SMCHD1: variants seen among roughly 807,000 people sequenced by gnomAD.
SMCHD1 encodes the protein structural maintenance of chromosomes flexible hinge domain containing 1.
In SMCHD1, 78 loss-of-function variants were observed where a neutral mutation model predicts 254.7. The observed-to-expected ratio is 0.31, with a 90% CI of 0.26 to 0.37. SMCHD1 has a LOEUF of 0.37. Among genes scored for constraint, SMCHD1 ranks in the 10% least tolerant of loss-of-function variants. The pLI is 1.00. For missense variants in SMCHD1, 1,840 were observed against 2,408.1 expected (o/e 0.76, Z 4.94); for synonymous variants, 766 against 794.9 (o/e 0.96, Z 0.61).
chr18:2,772,544 A>G (rs1294093078), intron 41 of SMCHD1, among the ~76,000 whole-genome samples, 172 bp downstream of exon 41: 1 of 152,218 alleles, frequency 6.6e-6, no homozygotes, highest in African/African-American at 2.4e-5. Flanking sequence ...TAAAACTGAA[A>G]TCTGTAATGT....
intron 41 of SMCHD1, among the ~76,000 whole-genome samples, chr18:2,774,406 G>T (rs1368949859): frequency 6.6e-6 from 1 of 151,936 alleles, no homozygotes; most frequent in African/African-American, 2.4e-5. Flanking sequence ...ATGTTAGGAT[G>T]TGTTTTGTTT....
rs1294481909 is a variant in SMCHD1, at chr18:2,708,487, C to T, written c.2260+567C>T. On this transcript the variant is annotated intron_variant, in intron 17 of 47. Coordinates refer to ENST00000320876, the MANE Select transcript of SMCHD1 (RefSeq NM_015295.3). ...TCGAGGCTACAGTGAGCTATGATCA[C>T]GCCACTGCACTCCAGCCTGGGTGGT... 2.0e-5 allele frequency among the ~76,000 whole-genome samples: 3 copies of T among 152,020 alleles called. 1 individual carries two copies. Among genetic ancestry groups the T allele is most frequent in the South Asian group, 4.1e-4 (2 of 4,820 alleles).
rs1246842120 is a variant in SMCHD1 at position 2,803,618 on chromosome 18, TAA to T, written c.*1067_*1068del. ...GATTGTTTCTTCCCTACTGAATAGA[TAA>T]GTGTTTTTCTTTTTTAAAATTGGAA... is the stretch of plus-strand genomic sequence containing the variant. On this transcript the variant is annotated 3_prime_UTR_variant, in exon 48 of 48. Coordinates refer to ENST00000320876, the MANE Select transcript of SMCHD1 (RefSeq NM_015295.3). 1 of 152,218 alleles carries T rather than the reference TAA, an allele frequency of 6.6e-6. No individual in the cohort carries two copies. Among genetic ancestry groups the T allele is most frequent in the Non-Finnish European group, 1.5e-5 (1 of 68,018 alleles). 9.4% of individuals were successfully genotyped at this position (152,218 alleles called of 1,614,324 possible). A position where few individuals can be genotyped will look rare whatever the true frequency, so the allele number is the denominator to read the frequency against.
In SMCHD1 at chr18:2,755,119, A is replaced by G. The variant is rs142028755; in HGVS notation, c.4346+2567A>G. ...ACCCAGGCTGTAGTGCAGTGGTGCA[A>G]TCATGGCTCACTGTAGCCTTGACCT... On this transcript the variant is annotated intron_variant, in intron 34 of 47. Transcript: ENST00000320876. 4.3e-3 allele frequency among the ~76,000 whole-genome samples: 657 copies of G among 152,190 alleles called. 4 individuals carry two copies. Among genetic ancestry groups the G allele is most frequent in the African/African-American group, 0.015 (641 of 41,504 alleles).
At chr18:2,706,227 G>A (rs540687661) in intron 14 of SMCHD1, 137 bp from the exon 15 acceptor site, 39 of 549,210 alleles carry the variant, frequency 7.1e-5, no homozygotes, top group African/African-American at 5.0e-4. Flanking sequence ...GTGGTGTAAC[G>A]TAAGAATAGC....
At position 2,732,291 on chromosome 18, in the gene SMCHD1, G is replaced by A; in HGVS notation, c.3075G>A (p.Glu1025=). The part of the protein sequence containing the change: ...IPSCKDVAPV[E]KTIKLLPSSH... ...GTTGTAAAGATGTGGCACCTGTGGA[G>A]AAGACTATTAAGTTGCTTCCCAGTA... is the stretch of plus-strand genomic sequence containing the variant. Residue 1025 remains glutamate, a synonymous_variant, in exon 25 of 48, where the codon GAG becomes GAA. Coordinates refer to ENST00000320876, the MANE Select transcript of SMCHD1 (RefSeq NM_015295.3). The A allele has an allele frequency of 1.2e-6, 2 of 1,613,670 alleles. No individual in the cohort carries two copies. Among genetic ancestry groups the A allele is most frequent in the Non-Finnish European group, 8.5e-7 (1 of 1,179,722 alleles).
intron 34 of SMCHD1, among the ~76,000 whole-genome samples, chr18:2,754,133 T>C (rs1052850756): frequency 2.0e-5 from 3 of 152,236 alleles, no homozygotes; most frequent in Non-Finnish European, 4.4e-5. Flanking sequence ...TTTTATGATA[T>C]CTTGAACAGC....
rs1298905195 is a variant in SMCHD1 at position 2,655,936 on chromosome 18, G to T, written c.-140G>T. Reference sequence around the variant, plus strand: ...CGCCTGCCGCTGCTCGGCCGCCGCCGCTGACGAGGAGCTGCAGCGCGCCGG... The same window carrying T: ...CGCCTGCCGCTGCTCGGCCGCCGCCTCTGACGAGGAGCTGCAGCGCGCCGG... On this transcript the variant is annotated 5_prime_UTR_variant, in exon 1 of 48. Coordinates refer to ENST00000320876, the MANE Select transcript of SMCHD1 (RefSeq NM_015295.3). The T allele has an allele frequency of 5.3e-6, 3 of 571,236 alleles. No homozygotes were observed. The highest frequency in any genetic ancestry group is 4.5e-5 in the Admixed American group (1 of 22,316). 35.4% of individuals were successfully genotyped at this position (571,236 alleles called of 1,614,324 possible). A position where few individuals can be genotyped will look rare whatever the true frequency, so the allele number is the denominator to read the frequency against.
chr18:2,760,504 G>T, intron 34 of SMCHD1, 148 bp from the exon 35 acceptor site: 1 of 561,304 alleles, frequency 1.8e-6, no homozygotes, highest in Non-Finnish European at 3.2e-6. Flanking sequence ...AGAAATATTT[G>T]TTGAACGAAT....
In SMCHD1 at chr18:2,799,953, G is replaced by C. The variant is rs117485899; in HGVS notation, c.5994-2575G>C. On this transcript the variant is annotated intron_variant, in intron 47 of 47. Coordinates refer to ENST00000320876, the MANE Select transcript of SMCHD1 (RefSeq NM_015295.3). ...ATAAATTCCTTAGAAAAAATGTGTA[G>C]AAAGATAACTTGGAGCCCTTCTATG... 7.2e-3 allele frequency among the ~76,000 whole-genome samples: 1,092 copies of C among 152,150 alleles called. 8 individuals carry two copies. The highest frequency in any genetic ancestry group is 0.014 in the Middle Eastern group (4 of 294).
At position 2,733,488 on chromosome 18, in the gene SMCHD1, A is replaced by G. The variant is rs548619812; in HGVS notation, c.3276+996A>G. Among the ~76,000 whole-genome samples, 20 of 152,324 alleles carry G rather than the reference A, an allele frequency of 1.3e-4. No homozygotes were observed. The South Asian group carries it at 4.1e-3, about 32-fold the overall frequency. On this transcript the variant is annotated intron_variant, in intron 25 of 47. Transcript: ENST00000320876. ...AGGAAGGTTATCTGAAAGTGAGGGG[A>G]AAGTTGTTTTAACAGTCTGTGGATG...
chr18:2,672,911 G>A (rs1313352378), intron 3 of SMCHD1, among the ~76,000 whole-genome samples: 1 of 152,168 alleles, frequency 6.6e-6, no homozygotes, highest in Non-Finnish European at 1.5e-5. Flanking sequence ...ATTTCTAGAT[G>A]TGCTTACTTT....
At position 2,677,676 on chromosome 18, in the gene SMCHD1, G is replaced by T. The variant is rs556020553; in HGVS notation, c.638+3531G>T. Among the ~76,000 whole-genome samples the T allele has an allele frequency of 3.3e-5, 5 of 152,286 alleles. No individual in the cohort carries two copies. In the South Asian group the frequency reaches 1.0e-3, roughly 32 times the overall value. ...AAATCTCGCTCTGTCGTTCAGGCTG[G>T]AGTGTAGTGGTGCTATCTTGGCTCA... On this transcript the variant is annotated intron_variant, in intron 5 of 47. Transcript: ENST00000320876.
chr18:2,676,677 A>G (rs1039706412), intron 5 of SMCHD1, among the ~76,000 whole-genome samples: 1 of 152,220 alleles, frequency 6.6e-6, no homozygotes, highest in Non-Finnish European at 1.5e-5. Context: ...AAACGTTTCA[A>G]GCCAATAGAC....
At chr18:2,721,056 T>G (rs2074915812) in intron 19 of SMCHD1, among the ~76,000 whole-genome samples, 2 of 152,216 alleles carry the variant, frequency 1.3e-5, no homozygotes, top group African/African-American at 4.8e-5. Context: ...TCTGTGAAAC[T>G]GTTTCTCAAA....
intron 3 of SMCHD1, among the ~76,000 whole-genome samples, chr18:2,667,338 A>G (rs2073468106): frequency 6.6e-6 from 1 of 152,188 alleles, no homozygotes; most frequent in South Asian, 2.1e-4. Flanking sequence ...CTAGCCTCCC[A>G]TAGACCTTTC....
At chr18:2,753,511 T>C (rs2075614437) in intron 34 of SMCHD1, among the ~76,000 whole-genome samples, 1 of 152,308 alleles carries the variant, frequency 6.6e-6, no homozygotes, top group East Asian at 1.9e-4. Flanking sequence ...ATGTTAAATA[T>C]AGATGTTAAA....
At chr18:2,690,581 C>CT (rs2074152524) in intron 7 of SMCHD1, among the ~76,000 whole-genome samples, 1 of 152,022 alleles carries the variant, frequency 6.6e-6, no homozygotes, top group Non-Finnish European at 1.5e-5. Context: ...AAGCAATTCC[C>CT]CTGCTTCAGC....
chr18:2,789,086 C>T (rs2076280133), intron 45 of SMCHD1, among the ~76,000 whole-genome samples: 4 of 152,168 alleles, frequency 2.6e-5, no homozygotes, highest in Admixed American at 2.0e-4. Context: ...GTGGCACAAT[C>T]ATGGCTCACC....
Sources: allele counts gnomAD v4.1 joint callset (sites outside exome capture counted in the v4.1 genomes callset), GRCh38; gene constraint gnomAD v4.1.1; transcripts MANE v1.5; gene names NCBI Gene and HGNC (gene_info 2026-07-23, HGNC 2026-07-21).